Variants in ERBB4 observed in about 807,000 individuals in gnomAD.
The protein encoded by ERBB4 is receptor tyrosine-protein kinase erbB-4.
Under a neutral mutation model 158.0 loss-of-function variants are expected in ERBB4, and 42 were observed. The ratio of observed to expected loss-of-function variants is 0.27; its 90% CI spans 0.21 to 0.34. ERBB4 has a LOEUF of 0.34. ERBB4 is among the 10% of genes least tolerant of loss of function. The probability of loss-of-function intolerance (pLI) is 1.00; values close to 1 mark genes in which losing one functional copy is unlikely to be tolerated. For missense variants in ERBB4, 1,333 were observed against 1,624.1 expected (o/e 0.82, Z 3.08); for synonymous variants, 583 against 558.7 (o/e 1.04, Z -0.61).
intron 1 of ERBB4, among the ~76,000 whole-genome samples, chr2:212,134,113 A>C (rs2080193589): frequency 6.6e-6 from 1 of 152,192 alleles, no homozygotes; most frequent in South Asian, 2.1e-4. Context: ...TATATATTCT[A>C]GAATTCTACT....
intron 23 of ERBB4, among the ~76,000 whole-genome samples, chr2:211,422,518 G>GTGAT (rs2063535690): frequency 6.7e-6 from 1 of 149,872 alleles, no homozygotes; most frequent in South Asian, 2.1e-4. Flanking sequence ...CTAATGCAAA[G>GTGAT]TGATTGGTAA....
intron 1 of ERBB4, among the ~76,000 whole-genome samples, chr2:212,411,593 G>A (rs983961647): frequency 1.3e-5 from 2 of 151,986 alleles, no homozygotes; most frequent in Non-Finnish European, 2.9e-5. Flanking sequence ...TCTGATTTTG[G>A]ATCATAGAGG....
At position 211,615,589 on chromosome 2, in the gene ERBB4, T is replaced by C. The variant is rs945777970; in HGVS notation, c.2301+3588A>G. 2.0e-5 allele frequency among the ~76,000 whole-genome samples: 3 copies of C among 152,118 alleles called. No homozygotes were observed. The South Asian group carries it at 6.2e-4, about 31-fold the overall frequency. Reference sequence around the variant, plus strand: ...ATTCGGGTGAGCAGAGTAACAGCCCTGGGTGACCAAACTCTCCTTCTCTTG... The same window carrying C: ...ATTCGGGTGAGCAGAGTAACAGCCCCGGGTGACCAAACTCTCCTTCTCTTG... On this transcript the variant is annotated intron_variant, in intron 19 of 27. Coordinates refer to ENST00000342788, the MANE Select transcript of ERBB4 (RefSeq NM_005235.3).
chr2:211,626,647 G>A (rs992822751), intron 17 of ERBB4, among the ~76,000 whole-genome samples: 2 of 151,994 alleles, frequency 1.3e-5, no homozygotes, highest in South Asian at 2.1e-4. Context: ...TAAGTGGGCC[G>A]GGCACAGTGA....
intron 2 of ERBB4, among the ~76,000 whole-genome samples, chr2:212,113,665 A>T (rs2079488462): frequency 6.6e-6 from 1 of 151,730 alleles, no homozygotes; most frequent in South Asian, 2.1e-4. Flanking sequence ...CAGGTCAGAG[A>T]AGGAGAAAGT....
At chr2:212,043,683 A>AAGCCAG (rs2077192675) in intron 2 of ERBB4, among the ~76,000 whole-genome samples, 3 of 152,152 alleles carry the variant, frequency 2.0e-5, no homozygotes, top group Admixed American at 2.0e-4. Context: ...TACATGTTAA[A>AAGCCAG]AGCCAGAGAA....
At chr2:212,242,713 G>C (rs1221974225) in intron 1 of ERBB4, among the ~76,000 whole-genome samples, 13 of 152,032 alleles carry the variant, frequency 8.6e-5, no homozygotes, top group Admixed American at 8.5e-4. Flanking sequence ...TTGTATTAAA[G>C]GTGGCACAGC....
chr2:211,817,038 T>G (rs921521894), intron 3 of ERBB4, among the ~76,000 whole-genome samples: 1 of 152,248 alleles, frequency 6.6e-6, no homozygotes, highest in African/African-American at 2.4e-5. Context: ...ACATTCAGCC[T>G]GCCTGGATAA....
At chr2:212,535,357 T>A (rs1193082234) in intron 1 of ERBB4, among the ~76,000 whole-genome samples, 1 of 152,132 alleles carries the variant, frequency 6.6e-6, no homozygotes, top group East Asian at 1.9e-4. Flanking sequence ...ATTTAACACC[T>A]TTTTCACCAC....
chr2:211,915,634 C>CA (rs1180757679), intron 3 of ERBB4, among the ~76,000 whole-genome samples: 2 of 150,956 alleles, frequency 1.3e-5, no homozygotes, highest in East Asian at 3.9e-4. Context: ...CTTGGAATGA[C>CA]AAAAAAACAA....
intron 3 of ERBB4, among the ~76,000 whole-genome samples, chr2:211,919,729 A>C (rs1050715097): frequency 1.3e-5 from 2 of 152,124 alleles, no homozygotes; most frequent in Middle Eastern, 3.4e-3. Context: ...ATGGCACCTC[A>C]GAAGTTAGAA....
intron 13 of ERBB4, among the ~76,000 whole-genome samples, chr2:211,676,486 A>G (rs2072076314): frequency 1.3e-5 from 2 of 152,204 alleles, no homozygotes; most frequent in South Asian, 4.1e-4. Flanking sequence ...ACTGGTGTAT[A>G]CATACACATG....
In ERBB4 at chr2:212,232,487, C is replaced by A. The variant is rs372428283; in HGVS notation, c.83-107584G>T. 5.8e-4 allele frequency among the ~76,000 whole-genome samples: 88 copies of A among 152,286 alleles called. 2 individuals are homozygous for A. The highest frequency in any genetic ancestry group is 2.1e-3 in the African/African-American group (86 of 41,572). On this transcript the variant is annotated intron_variant, in intron 1 of 27. Transcript: ENST00000342788. ...GCAGTAGCATGATCTCAGCTCACCA[C>A]AACCTCTGTCTCCTGTGTTCAAGCG... is the stretch of plus-strand genomic sequence containing the variant.
chr2:212,093,828 T>C (rs1178686400), intron 2 of ERBB4, among the ~76,000 whole-genome samples: 1 of 152,088 alleles, frequency 6.6e-6, no homozygotes, highest in Admixed American at 6.6e-5. Context: ...CCATTAAGGA[T>C]GATTAGGGAA....
intron 5 of ERBB4, among the ~76,000 whole-genome samples, chr2:211,736,180 A>C (rs973875700): frequency 5.9e-5 from 9 of 152,056 alleles, no homozygotes; most frequent in African/African-American, 2.2e-4. Flanking sequence ...GGAAAAAAAA[A>C]AAAAGATAAT....
intron 16 of ERBB4, among the ~76,000 whole-genome samples, chr2:211,635,839 A>G (rs1260690444): frequency 6.6e-6 from 1 of 152,060 alleles, no homozygotes; most frequent in Non-Finnish European, 1.5e-5. Context: ...AAGGTTTATT[A>G]AATTTTGAAT....
At chr2:211,812,871 T>C (rs2076791787) in intron 3 of ERBB4, among the ~76,000 whole-genome samples, 2 of 152,242 alleles carry the variant, frequency 1.3e-5, no homozygotes, top group African/African-American at 4.8e-5. Flanking sequence ...TATTATCTCC[T>C]GGTGTGCCAT....
At chr2:211,613,570 A>G (rs1030704012) in intron 19 of ERBB4, among the ~76,000 whole-genome samples, 1 of 152,086 alleles carries the variant, frequency 6.6e-6, no homozygotes, top group Non-Finnish European at 1.5e-5. Context: ...TTCTATACGA[A>G]AAAAATCTAA....
At chr2:211,393,073 T>C (rs991471341) in intron 25 of ERBB4, among the ~76,000 whole-genome samples, 2 of 152,206 alleles carry the variant, frequency 1.3e-5, no homozygotes, top group African/African-American at 2.4e-5. Context: ...TCTGTAAATA[T>C]GAACAAGAGT....
Sources: allele counts gnomAD v4.1 joint callset (sites outside exome capture counted in the v4.1 genomes callset), GRCh38; gene constraint gnomAD v4.1.1; transcripts MANE v1.5; gene names NCBI Gene and HGNC (gene_info 2026-07-23, HGNC 2026-07-21).